NT5C3A: variants seen among roughly 807,000 people sequenced by gnomAD.
The protein encoded by NT5C3A is 5'-nucleotidase, cytosolic IIIA.
Under a neutral mutation model 40.0 loss-of-function variants are expected in NT5C3A, and 23 were observed. That is an observed-to-expected ratio of 0.58 (90% CI 0.41 to 0.81). The LOEUF (loss-of-function observed/expected upper bound fraction) is 0.81. NT5C3A is among the 40% of genes least tolerant of loss of function. The probability of loss-of-function intolerance (pLI) is 0.00; values close to 1 mark genes in which losing one functional copy is unlikely to be tolerated. For synonymous variants in NT5C3A, 130 were observed against 141.4 expected, an observed-to-expected ratio of 0.92 and a Z score of 0.57; for missense variants, 328 against 403.0, an observed-to-expected ratio of 0.81 and a Z score of 1.59.
intron 1 of NT5C3A, among the ~76,000 whole-genome samples, chr7:33,028,984 G>C (rs1176926639): frequency 1.3e-5 from 2 of 151,640 alleles, no homozygotes; most frequent in African/African-American, 2.4e-5. Context: ...AAACCCGGGA[G>C]GCAGAGCTTG....
At chr7:33,045,381 G>A (rs1211944933) in intron 1 of NT5C3A, among the ~76,000 whole-genome samples, 2 of 152,062 alleles carry the variant, frequency 1.3e-5, no homozygotes, top group African/African-American at 4.8e-5. Context: ...ATATGAATAC[G>A]GTTTAAAATG....
chr7:33,017,748 A>G (rs1389991264), intron 6 of NT5C3A, 147 bp from the exon 7 acceptor site: 2 of 701,732 alleles, frequency 2.9e-6, no homozygotes, highest in African/African-American at 1.8e-5. Flanking sequence ...GCTGTTATTG[A>G]TATCTACAAT....
At chr7:33,042,220 C>G (rs1786954784) in intron 1 of NT5C3A, among the ~76,000 whole-genome samples, 1 of 152,030 alleles carries the variant, frequency 6.6e-6, no homozygotes, top group Non-Finnish European at 1.5e-5. Context: ...CACCTGTAAT[C>G]CCAGCTACTC....
At chr7:33,038,731 C>A in intron 1 of NT5C3A, 1 of 408,222 alleles carries the variant, frequency 2.4e-6, no homozygotes, top group South Asian at 1.8e-5. Context: ...TGGCACTATT[C>A]TAAGGAAGAC....
At position 33,061,875 on chromosome 7, in the gene NT5C3A, A is replaced by C. The variant is rs527245268; in HGVS notation, c.138+693T>G. On this transcript the variant is annotated intron_variant, in intron 1 of 8. Coordinates refer to ENST00000610140, the MANE Select transcript of NT5C3A (RefSeq NM_001002010.5). The stretch of plus-strand genomic sequence containing the variant: ...CCTCATTTTTGAAACAATTACTTAT[A>C]ATGTATCTCAAAGGGAATTCTTGAG... Among the ~76,000 whole-genome samples the C allele has an allele frequency of 2.9e-4, 44 of 152,326 alleles. No homozygotes were observed. In the South Asian group the frequency reaches 8.5e-3, roughly 29 times the overall value.
At chr7:33,021,187 C>T (rs1785605960) in intron 5 of NT5C3A, 85 bp downstream of exon 5, 3 of 1,562,360 alleles carry the variant, frequency 1.9e-6, no homozygotes, top group Admixed American at 3.6e-5. Context: ...GTTTGCAATA[C>T]AGGTAAAAAA....
chr7:33,050,530 C>T (rs1299328550), intron 1 of NT5C3A, among the ~76,000 whole-genome samples: 2 of 152,070 alleles, frequency 1.3e-5, no homozygotes, highest in South Asian at 2.1e-4. Context: ...CTAATGATAT[C>T]GGAGATAAGG....
intron 1 of NT5C3A, among the ~76,000 whole-genome samples, chr7:33,057,103 G>A (rs1787601046): frequency 6.6e-6 from 1 of 151,732 alleles, no homozygotes; most frequent in Non-Finnish European, 1.5e-5. Context: ...GTGAGCCACC[G>A]CACCCGGCCC....
chr7:33,027,864 T>C (rs902772935), intron 1 of NT5C3A, among the ~76,000 whole-genome samples: 24 of 152,214 alleles, frequency 1.6e-4, no homozygotes, highest in African/African-American at 5.5e-4. Flanking sequence ...CATATAGTTT[T>C]AGCTCATCCT....
rs115343261 is a variant in NT5C3A at position 33,042,822 on chromosome 7, T to C, written c.139-15907A>G. On this transcript the variant is annotated intron_variant, in intron 1 of 8. Transcript: ENST00000610140. ...AAACTTTAGCTGCCAGGACGTATAC[T>C]GCAAATTTGTTTTATAATTCTGGGA... 2.2e-3 allele frequency among the ~76,000 whole-genome samples: 338 copies of C among 152,336 alleles called. 1 individual carries two copies. The highest frequency in any genetic ancestry group is 7.8e-3 in the African/African-American group (323 of 41,574).
intron 1 of NT5C3A, among the ~76,000 whole-genome samples, chr7:33,060,716 A>C (rs1272445847): frequency 1.3e-5 from 2 of 151,946 alleles, no homozygotes; most frequent in East Asian, 3.9e-4. Flanking sequence ...GTTTGCAGAG[A>C]TTTTTCTGAG....
chr7:33,034,266 AT>A (rs1255083606), intron 1 of NT5C3A, among the ~76,000 whole-genome samples: 1 of 152,178 alleles, frequency 6.6e-6, no homozygotes, highest in Non-Finnish European at 1.5e-5. Flanking sequence ...GTTAAAAAAA[AT>A]CTTTTGGCTT....
Position 33,016,060 on chromosome 7 carries a change from A to ATT in NT5C3A, c.694-192_694-191dup, listed in dbSNP as rs1562584103. On this transcript the variant is annotated intron_variant, in intron 7 of 8. Coordinates refer to ENST00000610140, the MANE Select transcript of NT5C3A (RefSeq NM_001002010.5). ...TAAGAAGGGCTCGGAGAAGTAAATG[A>ATT]TTTTTTAGATACTATTTTAAATGGT... 11 of 584,194 alleles carry ATT rather than the reference A, an allele frequency of 1.9e-5. No homozygotes were observed. In the Middle Eastern group the frequency reaches 1.4e-3, roughly 74 times the overall value. The allele number at this position is 584,194 out of a possible 1,614,324, so 36.2% of individuals were successfully genotyped here. A position where few individuals can be genotyped will look rare whatever the true frequency, so the allele number is the denominator to read the frequency against.
intron 3 of NT5C3A, among the ~76,000 whole-genome samples, chr7:33,023,536 G>A (rs987950089): frequency 1.3e-5 from 2 of 152,128 alleles, no homozygotes; most frequent in African/African-American, 4.8e-5. Context: ...CGAGATTACA[G>A]GCATGAGTGA....
At position 33,019,709 on chromosome 7, in the gene NT5C3A, A is replaced by T. The variant is rs750009575; in HGVS notation, c.456T>A (p.His152Gln). The part of the protein sequence containing the change: ...PYMVEWYTKS[H>Q]GLLVQQALPK... ...GTAAAGCTTGCTGAACAAGCAAACC[A>T]TGTGATTTAGTATACCTGGAGTTTA... Residue 152 changes from histidine to glutamine, a missense_variant, in exon 6 of 9, where the codon CAT becomes CAA. Physicochemically the swap from His to Gln is conservative, Grantham distance 24. Coordinates refer to ENST00000610140, the MANE Select transcript of NT5C3A (RefSeq NM_001002010.5). The T allele has an allele frequency of 6.2e-7, 1 of 1,602,910 alleles. No individual in the cohort carries two copies. Among genetic ancestry groups the T allele is most frequent in the East Asian group, 2.2e-5 (1 of 44,740 alleles).
At chr7:33,049,330 A>G (rs1424409669) in intron 1 of NT5C3A, among the ~76,000 whole-genome samples, 1 of 152,172 alleles carries the variant, frequency 6.6e-6, no homozygotes, top group Non-Finnish European at 1.5e-5. Context: ...TGAAGCTTAG[A>G]AAAGTTTAGT....
intron 1 of NT5C3A, among the ~76,000 whole-genome samples, chr7:33,048,165 A>G (rs1437194657): frequency 7.4e-6 from 1 of 134,614 alleles, no homozygotes; most frequent in Non-Finnish European, 1.6e-5. Context: ...TATAGTATTG[A>G]TACATTTGAT....
intron 2 of NT5C3A, 43 bp from the exon 3 acceptor site, chr7:33,024,151 C>G (rs1441085574): frequency 1.7e-6 from 2 of 1,146,188 alleles, no homozygotes; most frequent in East Asian, 4.7e-5. Context: ...ACATAGCCCA[C>G]ATGGCCAGAA....
At chr7:33,038,210 A>G (rs1241740564) in intron 1 of NT5C3A, among the ~76,000 whole-genome samples, 1 of 152,164 alleles carries the variant, frequency 6.6e-6, no homozygotes, top group Non-Finnish European at 1.5e-5. Context: ...TTACAAAAAT[A>G]CCGCATAATC....
Sources: allele counts gnomAD v4.1 joint callset (sites outside exome capture counted in the v4.1 genomes callset), GRCh38; gene constraint gnomAD v4.1.1; transcripts MANE v1.5; gene names NCBI Gene and HGNC (gene_info 2026-07-23, HGNC 2026-07-21).